The following RXRA variants were observed in gnomAD, a reference collection of about 807,000 sequenced individuals.
The protein encoded by RXRA is retinoic acid receptor RXR-alpha.
In RXRA, 5 loss-of-function variants were observed where a neutral mutation model predicts 44.5. The observed-to-expected ratio is 0.11, with a 90% CI of 0.06 to 0.24. The LOEUF (loss-of-function observed/expected upper bound fraction) is 0.24, where lower values mean the gene tolerates loss of function less well. Among genes scored for constraint, RXRA ranks in the 10% least tolerant of loss-of-function variants. The pLI is 1.00. For synonymous variants in RXRA, 291 were observed against 271.4 expected, an observed-to-expected ratio of 1.07 and a Z score of -0.71; for missense variants, 412 against 646.5, an observed-to-expected ratio of 0.64 and a Z score of 3.93.
rs144677588 is a variant in RXRA at position 134,376,680 on chromosome 9, C to G, written c.29-24952C>G. ...GCTGGTGCATCTCGGGTGCTCAGCG[C>G]GTGGGCAGTACCCTCCCTGGCTGTG... On this transcript the variant is annotated intron_variant, in intron 1 of 9. Transcript: ENST00000481739. Among the ~76,000 whole-genome samples the G allele has an allele frequency of 9.0e-3, 1,367 of 152,408 alleles. 18 individuals carry two copies. The highest frequency in any genetic ancestry group is 0.027 in the African/African-American group (1,120 of 41,600).
intron 1 of RXRA, among the ~76,000 whole-genome samples, chr9:134,354,639 G>T (rs1474422960): frequency 4.6e-5 from 7 of 152,260 alleles, no homozygotes; most frequent in Non-Finnish European, 1.0e-4. Flanking sequence ...GGTGAGCCCT[G>T]CTGGTGGAGA....
chr9:134,407,475 T>G lies in RXRA; in HGVS notation c.280-674T>G, dbSNP rs1223588103. Among the ~76,000 whole-genome samples, 2 of 152,178 alleles carry G rather than the reference T, an allele frequency of 1.3e-5. No individual in the cohort carries two copies. Among genetic ancestry groups the G allele is most frequent in the Non-Finnish European group, 2.9e-5 (2 of 68,024 alleles). ...CTGCTGTGTCACTGCACGCTGCAGCTGTTGCCAGGGTGACCGGGTGAGTTT... is the reference window on the plus strand; with the variant it reads ...CTGCTGTGTCACTGCACGCTGCAGCGGTTGCCAGGGTGACCGGGTGAGTTT... On this transcript the variant is annotated intron_variant, in intron 2 of 9. Transcript: ENST00000481739. The surrounding 1 kb of genome is among the most constrained non-coding windows in gnomAD (Gnocchi z 4.8).
intron 1 of RXRA, among the ~76,000 whole-genome samples, chr9:134,356,451 G>A (rs1830284439): frequency 6.6e-6 from 1 of 152,018 alleles, no homozygotes; most frequent in African/African-American, 2.4e-5. Context: ...GGAGCCAGGA[G>A]TTGCTGCCTG....
At chr9:134,329,786 C>T (rs1554746436) in intron 1 of RXRA, among the ~76,000 whole-genome samples, 1 of 152,202 alleles carries the variant, frequency 6.6e-6, no homozygotes, top group African/African-American at 2.4e-5. Context: ...CCTGCCCCAT[C>T]TCCCCCGTGG....
intron 1 of RXRA, among the ~76,000 whole-genome samples, chr9:134,353,688 G>A (rs1830249309): frequency 6.6e-6 from 1 of 152,226 alleles, no homozygotes; most frequent in African/African-American, 2.4e-5. Flanking sequence ...AGGTGCCCTT[G>A]GGGTGGGGGT....
At chr9:134,367,381 C>T (rs2119072930) in intron 1 of RXRA, among the ~76,000 whole-genome samples, 1 of 152,260 alleles carries the variant, frequency 6.6e-6, no homozygotes, top group South Asian at 2.1e-4. Context: ...TCCCCGGAGC[C>T]CACCCTTCCA....
chr9:134,388,645 G>C (rs540991575), intron 1 of RXRA, among the ~76,000 whole-genome samples: 85 of 152,362 alleles, frequency 5.6e-4, no homozygotes, highest in Middle Eastern at 3.4e-3. Context: ...CTGTGAGTCA[G>C]GCGCATGGAA....
chr9:134,394,247 G>A (rs1477932184), intron 1 of RXRA, among the ~76,000 whole-genome samples: 2 of 146,792 alleles, frequency 1.4e-5, no homozygotes, highest in Non-Finnish European at 3.0e-5. Context: ...TGGTGATGAC[G>A]GTGGTGATGA....
At chr9:134,358,519 G>T (rs1294449761) in intron 1 of RXRA, among the ~76,000 whole-genome samples, 1 of 152,232 alleles carries the variant, frequency 6.6e-6, no homozygotes, top group Non-Finnish European at 1.5e-5. Flanking sequence ...GAGGCCTTGT[G>T]CAGGGTCTGG....
At chr9:134,373,198 G>T (rs919078346) in intron 1 of RXRA, among the ~76,000 whole-genome samples, 2 of 152,186 alleles carry the variant, frequency 1.3e-5, no homozygotes, top group Admixed American at 6.5e-5. Flanking sequence ...GGAAGTGTCT[G>T]GGGCCCGGGT....
chr9:134,410,817 G>T (rs1831136250), intron 4 of RXRA, among the ~76,000 whole-genome samples: 2 of 152,242 alleles, frequency 1.3e-5, no homozygotes, highest in African/African-American at 4.8e-5. Context: ...GGGCTTCAGG[G>T]AGACCCCTGC....
rs770599450 is a variant in RXRA, at chr9:134,417,337, A to C, written c.780+10A>C. The C allele has an allele frequency of 2.5e-6, 4 of 1,612,488 alleles. No individual in the cohort carries two copies. Among genetic ancestry groups the C allele is most frequent in the Non-Finnish European group, 3.4e-6 (4 of 1,179,424 alleles). On this transcript the variant is annotated intron_variant, in intron 5 of 9. Transcript: ENST00000481739. This position sits in a 1 kb window ranked among gnomAD's most constrained non-coding sequence, Gnocchi z 6.1. ...GCTGAACCCCAGCTCGGTGAGTTGCAGCCTGTGCAGGGGTGGGCAGCCTCA... is the reference window on the plus strand; with the variant it reads ...GCTGAACCCCAGCTCGGTGAGTTGCCGCCTGTGCAGGGGTGGGCAGCCTCA...
intron 1 of RXRA, among the ~76,000 whole-genome samples, chr9:134,389,472 G>C (rs970450344): frequency 4.6e-5 from 7 of 151,962 alleles, no homozygotes; most frequent in African/African-American, 1.7e-4. Context: ...GGGAGCCCTG[G>C]GACAGCAGAG....
rs1831099356 is a variant in RXRA, at chr9:134,408,839, G to A, written c.431-101G>A. On this transcript the variant is annotated intron_variant, in intron 3 of 9. Coordinates refer to ENST00000481739, the MANE Select transcript of RXRA (RefSeq NM_002957.6). ...TCTGGAGACCAGCAGGTCCCTTTCT[G>A]AGGCCTGGCCCGCCAGCTGGTAGTG... is the stretch of plus-strand genomic sequence containing the variant. The A allele has an allele frequency of 2.5e-6, 3 of 1,179,990 alleles. No individual in the cohort carries two copies. The Admixed American group carries it at 8.4e-5, about 33-fold the overall frequency. The allele number at this position is 1,179,990 out of a possible 1,614,324, so 73.1% of individuals were successfully genotyped here.
intron 1 of RXRA, among the ~76,000 whole-genome samples, chr9:134,355,329 C>G (rs1350658234): frequency 6.6e-6 from 1 of 152,200 alleles, no homozygotes; most frequent in African/African-American, 2.4e-5. Context: ...AACTGAACAG[C>G]AAACAGTAAA....
At chr9:134,411,073 C>T (rs1385012518) in intron 4 of RXRA, among the ~76,000 whole-genome samples, 6 of 152,166 alleles carry the variant, frequency 3.9e-5, no homozygotes, top group Non-Finnish European at 7.4e-5. Flanking sequence ...GAAAAGGTGT[C>T]GGCACCACAG....
intron 4 of RXRA, among the ~76,000 whole-genome samples, chr9:134,416,543 G>A (rs1251584635): frequency 1.3e-5 from 2 of 152,154 alleles, no homozygotes; most frequent in Non-Finnish European, 2.9e-5. Context: ...GGGGCCGGGC[G>A]CCTGCCCTCC....
At chr9:134,373,119 T>A (rs1830510214) in intron 1 of RXRA, among the ~76,000 whole-genome samples, 1 of 152,028 alleles carries the variant, frequency 6.6e-6, no homozygotes, top group Admixed American at 6.5e-5. Flanking sequence ...GGTGAGGAGC[T>A]GGGCTGGGCC....
chr9:134,405,820 G>C (rs528930792), intron 2 of RXRA: 1 of 152,816 alleles, frequency 6.5e-6, no homozygotes, highest in East Asian at 1.9e-4. Flanking sequence ...CTTCCTGCTT[G>C]TGGATGCCTT....
Sources: allele counts gnomAD v4.1 joint callset (sites outside exome capture counted in the v4.1 genomes callset), GRCh38; gene constraint gnomAD v4.1.1; non-coding constraint Gnocchi (gnomAD v3.1); transcripts MANE v1.5; gene names NCBI Gene and HGNC (gene_info 2026-07-23, HGNC 2026-07-21).